Variants in NEB observed in about 807,000 individuals in gnomAD.
The protein encoded by NEB is nemaline myopathy type 2.
A neutral mutation model predicts 952.2 loss-of-function variants in NEB; 512 were observed. The ratio of observed to expected loss-of-function variants is 0.54; its 90% CI spans 0.50 to 0.58. The LOEUF (loss-of-function observed/expected upper bound fraction) is 0.58. Ranked by LOEUF, NEB falls within the 20% of genes least tolerant of loss-of-function variation. The probability of loss-of-function intolerance (pLI) is 0.00; values close to 1 mark genes in which losing one functional copy is unlikely to be tolerated. For missense variants in NEB, 8,428 were observed against 9,231.1 expected, an observed-to-expected ratio of 0.91 and a Z score of 3.56; for synonymous variants, 2,900 against 3,149.8, an observed-to-expected ratio of 0.92 and a Z score of 2.66.
At chr2:151,531,122 A>C in intron 144 of NEB, 21 bp from the exon 145 acceptor site, 1 of 1,475,904 alleles carries the variant, frequency 6.8e-7, no homozygotes, top group South Asian at 1.2e-5. Flanking sequence ...AAAAAGCAGA[A>C]AGACATCATG....
At chr2:151,511,408 A>G (rs1056065219) in intron 161 of NEB, among the ~76,000 whole-genome samples, 6 of 152,326 alleles carry the variant, frequency 3.9e-5, no homozygotes, top group African/African-American at 1.4e-4. Flanking sequence ...GTTTCCAGTA[A>G]AGGGTTGAAA....
At position 151,675,286 on chromosome 2, in the gene NEB, C is replaced by T. The variant is rs746999970; in HGVS notation, c.3879+1G>A. On this transcript the variant is annotated splice_donor_variant, in intron 35 of 181. Transcript: ENST00000397345. LOFTEE classifies it high-confidence loss of function. ...CACATCCCAGCAAAGACCCTACTTA[C>T]GTCACTTATATTGTAAGCATTGCAC... is the stretch of plus-strand genomic sequence containing the variant. 7.7e-6 allele frequency: 12 copies of T among 1,558,560 alleles called. No individual in the cohort carries two copies. The highest frequency in any genetic ancestry group is 2.3e-5 in the South Asian group (2 of 85,904).
At chr2:151,614,179 T>C (rs1322442488) in intron 77 of NEB, 97 bp downstream of exon 77, 11 of 1,326,954 alleles carry the variant, frequency 8.3e-6, no homozygotes, top group Non-Finnish European at 1.0e-6. Context: ...CCTAAAGAGG[T>C]GTCTGTAGGT....
Position 151,566,600 on chromosome 2 carries a change from T to C in NEB, c.18156+568A>G, listed in dbSNP as rs118012311. Among the ~76,000 whole-genome samples, 46 of 152,306 alleles carry C rather than the reference T, an allele frequency of 3.0e-4. 1 individual carries two copies. In the East Asian group the frequency reaches 7.9e-3, roughly 26 times the overall value. On this transcript the variant is annotated intron_variant, in intron 114 of 181. Transcript: ENST00000397345. ...GGCTGGTGGCAAGTAGAGATCTTGA[T>C]TCAGGCTTCAGTGGGAGGTAGGTTA...
chr2:151,519,020 A>G lies in NEB; in HGVS notation c.22640T>C (p.Met7547Thr). 1.2e-6 allele frequency: 2 copies of G among 1,613,762 alleles called. No homozygotes were observed. Among genetic ancestry groups the G allele is most frequent in the South Asian group, 2.2e-5 (2 of 91,058 alleles). ...LKKLHKPVTDMKESLIMNHVL... is the reference protein window; with the variant it reads ...LKKLHKPVTDTKESLIMNHVL... The stretch of plus-strand genomic sequence containing the variant: ...ATGATTCATGATCAGAGACTCCTTC[A>G]TGTCAGTCACGGGTTTGTGAAGTTT... The change falls in exon 155 of 182, where the codon ATG (methionine) becomes ACG (threonine). Residue 7547 changes from methionine to threonine, a missense_variant. Coordinates refer to ENST00000397345, the MANE Select transcript of NEB (RefSeq NM_001164508.2).
chr2:151,528,940 G>A (rs144545240), intron 146 of NEB, among the ~76,000 whole-genome samples: 8 of 152,284 alleles, frequency 5.3e-5, no homozygotes, highest in African/African-American at 9.6e-5. Flanking sequence ...AGAATTAAAC[G>A]TCCCATTTCT....
chr2:151,543,363 C>T (rs1175333997), intron 135 of NEB, among the ~76,000 whole-genome samples: 2 of 152,124 alleles, frequency 1.3e-5, no homozygotes. Context: ...CAAGTTAAAA[C>T]AAAATGTAAC....
intron 6 of NEB, 34 bp from the exon 7 acceptor site, chr2:151,724,995 A>C (rs2099786065): frequency 1.3e-6 from 2 of 1,510,944 alleles, no homozygotes; most frequent in Non-Finnish European, 1.8e-6. Context: ...AGTTCATGAC[A>C]GGCATGTACA....
intron 10 of NEB, among the ~76,000 whole-genome samples, chr2:151,714,415 T>G (rs940185936): frequency 1.3e-5 from 2 of 152,216 alleles, no homozygotes; most frequent in Admixed American, 6.5e-5. Flanking sequence ...AGAATTCCTC[T>G]TCTCCCCACT....
Position 151,492,645 on chromosome 2 carries a change from C to G in NEB, c.24766-151G>C. The stretch of plus-strand genomic sequence containing the variant: ...GACACATGACCAATTTTGGAACAGG[C>G]TAATCTGGGGACCAGAAGGGCCCGC... On this transcript the variant is annotated intron_variant, in intron 176 of 181. Transcript: ENST00000397345. 6.5e-6 allele frequency: 3 copies of G among 463,186 alleles called. No homozygotes were observed. The South Asian group carries it at 1.7e-4, about 26-fold the overall frequency. 28.7% of individuals were successfully genotyped at this position (463,186 alleles called of 1,614,324 possible). A position where few individuals can be genotyped will look rare whatever the true frequency, so the allele number is the denominator to read the frequency against.
chr2:151,650,462 T>C lies in NEB; in HGVS notation c.7228-83A>G, dbSNP rs2099018523. On this transcript the variant is annotated intron_variant, in intron 53 of 181. Coordinates refer to ENST00000397345, the MANE Select transcript of NEB (RefSeq NM_001164508.2). Reference sequence around the variant, plus strand: ...AGTGATTCTATGCATTACAAACAGATGCATTTTAGATTTTCAATAATAATT... The same window carrying C: ...AGTGATTCTATGCATTACAAACAGACGCATTTTAGATTTTCAATAATAATT... 10 of 1,511,194 alleles carry C rather than the reference T, an allele frequency of 6.6e-6. No individual in the cohort carries two copies. In the Admixed American group the frequency reaches 7.8e-5, roughly 12 times the overall value. The allele number at this position is 1,511,194 out of a possible 1,614,324, so 93.6% of individuals were successfully genotyped here. A position where few individuals can be genotyped will look rare whatever the true frequency, so the allele number is the denominator to read the frequency against.
At chr2:151,624,690 T>C (rs1048139850) in intron 71 of NEB, among the ~76,000 whole-genome samples, 1 of 152,174 alleles carries the variant, frequency 6.6e-6, no homozygotes, top group Admixed American at 6.5e-5. Context: ...AATTTTTCAG[T>C]GCTCTCAAAC....
At chr2:151,511,681 A>G (rs551656396) in intron 161 of NEB, among the ~76,000 whole-genome samples, 18 of 152,160 alleles carry the variant, frequency 1.2e-4, no homozygotes, top group Non-Finnish European at 2.1e-4. Flanking sequence ...ATCACTGACA[A>G]TCGTTCATAC....
intron 124 of NEB, among the ~76,000 whole-genome samples, chr2:151,555,791 A>G (rs1294217634): frequency 1.3e-5 from 2 of 151,724 alleles, no homozygotes; most frequent in Non-Finnish European, 2.9e-5. Context: ...TTTCCACTAG[A>G]TTTTTCCAAA....
At chr2:151,501,129 TC>T (rs1244187221) in intron 168 of NEB, among the ~76,000 whole-genome samples, 4 of 152,070 alleles carry the variant, frequency 2.6e-5, no homozygotes, top group African/African-American at 9.6e-5. Flanking sequence ...TTTCTGGAAA[TC>T]AATTAACTTC....
Position 151,562,223 on chromosome 2 carries a change from AAG to A in NEB, c.18892-11_18892-10del. ...TCATCTTTATACACATTCTGCAAGA[AAG>A]AGAGAACAATGAAATGTGGAAGGTA... is the stretch of plus-strand genomic sequence containing the variant. On this transcript the variant is annotated splice_polypyrimidine_tract_variant and intron_variant, in intron 120 of 181. Transcript: ENST00000397345. 1 of 1,582,796 alleles carries A rather than the reference AAG, an allele frequency of 6.3e-7. No homozygotes were observed. Among genetic ancestry groups the A allele is most frequent in the Non-Finnish European group, 8.7e-7 (1 of 1,151,590 alleles).
In NEB at chr2:151,644,236, A is replaced by G. The variant is rs931226813; in HGVS notation, c.7645-107T>C. 3 of 1,431,388 alleles carry G rather than the reference A, an allele frequency of 2.1e-6. No individual in the cohort carries two copies. The African/African-American group carries it at 4.3e-5, about 20-fold the overall frequency. 88.7% of individuals were successfully genotyped at this position (1,431,388 alleles called of 1,614,324 possible). ...TCTAAATATTTTACTAAGCCTAGAG[A>G]GCCAAAGACTTCAGTCTTTTGATAA... On this transcript the variant is annotated intron_variant, in intron 56 of 181. Transcript: ENST00000397345.
chr2:151,732,373 A>T (rs546247045), intron 3 of NEB, among the ~76,000 whole-genome samples: 1 of 152,332 alleles, frequency 6.6e-6, no homozygotes, highest in African/African-American at 2.4e-5. Context: ...TAAAATAAAT[A>T]TAAAATAAAT....
chr2:151,620,347 G>GTATGTATA (rs2098379410), intron 72 of NEB, among the ~76,000 whole-genome samples: 4 of 48,460 alleles, frequency 8.3e-5, no homozygotes, highest in African/African-American at 3.1e-4. Context: ...GTATGTGTGT[G>GTATGTATA]TATATATATA....
Sources: allele counts gnomAD v4.1 joint callset (sites outside exome capture counted in the v4.1 genomes callset), GRCh38; gene constraint gnomAD v4.1.1; transcripts MANE v1.5; gene names NCBI Gene and HGNC (gene_info 2026-07-23, HGNC 2026-07-21).